DACH1: variants seen among roughly 807,000 people sequenced by gnomAD.
DACH1 encodes dachshund homolog 1.
Under a neutral mutation model 54.2 loss-of-function variants are expected in DACH1, and 12 were observed. The ratio of observed to expected loss-of-function variants is 0.22; its 90% confidence interval spans 0.14 to 0.36. The LOEUF (loss-of-function observed/expected upper bound fraction) is 0.36, where lower values mean the gene tolerates loss of function less well. DACH1 is among the 10% of genes least tolerant of loss of function. The pLI is 1.00. For synonymous variants in DACH1, 386 were observed against 366.2 expected (o/e 1.05, Z -0.62); for missense variants, 805 against 929.8 (o/e 0.87, Z 1.75).
At chr13:71,705,157 G>C (rs754030204) in intron 1 of DACH1, among the ~76,000 whole-genome samples, 5 of 152,228 alleles carry the variant, frequency 3.3e-5, no homozygotes, top group Admixed American at 6.5e-5. Flanking sequence ...TGTAGGACAG[G>C]ACCAAAAATT....
At chr13:71,632,379 TAAGTCTATGAGAAGATAAATATCCCC>T (rs1286735143) in intron 2 of DACH1, among the ~76,000 whole-genome samples, 3 of 151,550 alleles carry the variant, frequency 2.0e-5, no homozygotes, top group African/African-American at 7.2e-5. Flanking sequence ...TCTAAAACCT[TAAGTCTATGAGAAGATAAATATCCCC>T]AACCCCACCC....
At chr13:71,490,225 T>G (rs1322955128) in intron 6 of DACH1, among the ~76,000 whole-genome samples, 1 of 152,198 alleles carries the variant, frequency 6.6e-6, no homozygotes, top group African/African-American at 2.4e-5. Context: ...TGCTTATAAT[T>G]TGATTCCACT....
rs918232448 is a variant in DACH1, at chr13:71,553,455, T to C, written c.1570+3569A>G. ...TATTAGACATATATCCATATATATATACATATATACATATATGGGATATAT... is the reference window on the plus strand; with the variant it reads ...TATTAGACATATATCCATATATATACACATATATACATATATGGGATATAT... On this transcript the variant is annotated intron_variant, in intron 6 of 10. Transcript: ENST00000613252. Among the ~76,000 whole-genome samples the C allele has an allele frequency of 1.4e-5, 2 of 143,964 alleles. 1 individual carries two copies. 94.4% of individuals were successfully genotyped at this position (143,964 alleles called of 152,430 possible). A position where few individuals can be genotyped will look rare whatever the true frequency, so the allele number is the denominator to read the frequency against.
At chr13:71,843,716 G>A (rs74096815) in intron 1 of DACH1, among the ~76,000 whole-genome samples, 8,993 of 152,140 alleles carry the variant, frequency 0.059, 708 homozygotes, top group African/African-American at 0.18. Flanking sequence ...ATACAAGGGA[G>A]GCTGAAAGTT....
At position 71,866,688 on chromosome 13, in the gene DACH1, C is replaced by T; in HGVS notation, c.82G>A (p.Gly28Ser). 4 of 1,459,338 alleles carry T rather than the reference C, an allele frequency of 2.7e-6. No homozygotes were observed. The highest frequency in any genetic ancestry group is 3.6e-6 in the Non-Finnish European group (4 of 1,099,728). 90.4% of individuals were successfully genotyped at this position (1,459,338 alleles called of 1,614,324 possible). A position where few individuals can be genotyped will look rare whatever the true frequency, so the allele number is the denominator to read the frequency against. ...GCCGAAGAGGTGGAGGTGGTGGTGCCAGAGGAGGAAGCAGACGTGGAGATT... is the reference window on the plus strand; with the variant it reads ...GCCGAAGAGGTGGAGGTGGTGGTGCTAGAGGAGGAAGCAGACGTGGAGATT... ...PPISTSASSS[G>S]TTTSTSSATS... The change falls in exon 1 of 11, where the codon GGC becomes AGC. Residue 28 changes from glycine (G) to serine (S), a missense_variant. Coordinates refer to ENST00000613252, the MANE Select transcript of DACH1 (RefSeq NM_080759.6).
rs17088422 is a variant in DACH1, at chr13:71,736,067, G to A, written c.849-54157C>T. ...ATACTGAGCTGTGTACAGAGAGTATGGAAAATGCCAGCAGAGTGGTAGAGG... is the reference window on the plus strand; with the variant it reads ...ATACTGAGCTGTGTACAGAGAGTATAGAAAATGCCAGCAGAGTGGTAGAGG... On this transcript the variant is annotated intron_variant, in intron 1 of 10. Transcript: ENST00000613252. Among the ~76,000 whole-genome samples the A allele has an allele frequency of 8.4e-4, 128 of 152,276 alleles. 1 individual carries two copies. The East Asian group carries it at 0.024, about 29-fold the overall frequency.
intron 7 of DACH1, among the ~76,000 whole-genome samples, chr13:71,482,515 C>A (rs1477597338): frequency 6.6e-6 from 1 of 152,028 alleles, no homozygotes; most frequent in Non-Finnish European, 1.5e-5. Flanking sequence ...AATTAAAACA[C>A]CTTAGTTGAA....
chr13:71,479,957 CTATCTCCAAATG>C (rs1462806983), intron 7 of DACH1, among the ~76,000 whole-genome samples: 1 of 152,166 alleles, frequency 6.6e-6, no homozygotes, highest in Admixed American at 6.5e-5. Flanking sequence ...TCTTACTACC[CTATCTCCAAATG>C]TATCTTATTA....
At chr13:71,541,611 T>G (rs1883131272) in intron 6 of DACH1, among the ~76,000 whole-genome samples, 1 of 152,096 alleles carries the variant, frequency 6.6e-6, no homozygotes. Flanking sequence ...TATAAGTTCA[T>G]TTATATGGCA....
intron 6 of DACH1, among the ~76,000 whole-genome samples, chr13:71,512,881 A>G (rs1199575494): frequency 2.0e-5 from 3 of 151,956 alleles, no homozygotes; most frequent in African/African-American, 7.2e-5. Context: ...ATCTAGAAGA[A>G]TAATCTTTTT....
chr13:71,636,136 A>G (rs1877475315), intron 2 of DACH1, among the ~76,000 whole-genome samples: 1 of 152,106 alleles, frequency 6.6e-6, no homozygotes, highest in Non-Finnish European at 1.5e-5. Context: ...GAACTAGGCA[A>G]TCAGCTGCAG....
chr13:71,808,390 T>A (rs1887592304), intron 1 of DACH1, among the ~76,000 whole-genome samples: 1 of 152,154 alleles, frequency 6.6e-6, no homozygotes, highest in South Asian at 2.1e-4. Flanking sequence ...ATTAAACATC[T>A]GTCTGCAGAA....
At chr13:71,506,906 CA>C (rs1880377685) in intron 6 of DACH1, among the ~76,000 whole-genome samples, 1 of 151,138 alleles carries the variant, frequency 6.6e-6, no homozygotes, top group South Asian at 2.1e-4. Context: ...AAAATGAATT[CA>C]AGATGGATTA....
At chr13:71,706,615 T>C (rs189536241) in intron 1 of DACH1, among the ~76,000 whole-genome samples, 6 of 152,300 alleles carry the variant, frequency 3.9e-5, no homozygotes, top group Non-Finnish European at 5.9e-5. Context: ...TCATGTTTTC[T>C]TGATAATTTC....
At chr13:71,596,758 T>C (rs930512871) in intron 3 of DACH1, among the ~76,000 whole-genome samples, 3 of 152,132 alleles carry the variant, frequency 2.0e-5, no homozygotes, top group East Asian at 1.9e-4. Context: ...AACAGAACAC[T>C]GGAAATGTAG....
At chr13:71,659,616 T>G (rs1013262388) in intron 2 of DACH1, among the ~76,000 whole-genome samples, 2 of 152,170 alleles carry the variant, frequency 1.3e-5, no homozygotes, top group African/African-American at 4.8e-5. Context: ...ATAAAAATCT[T>G]AAACCTGCTG....
chr13:71,655,382 T>G (rs1029018626), intron 2 of DACH1, among the ~76,000 whole-genome samples: 17 of 151,778 alleles, frequency 1.1e-4, no homozygotes, highest in Non-Finnish European at 2.5e-4. Flanking sequence ...ATTTTTTTTT[T>G]TTTTTGAAAC....
intron 10 of DACH1, among the ~76,000 whole-genome samples, chr13:71,455,536 A>C (rs1875486462): frequency 1.3e-5 from 2 of 152,132 alleles, no homozygotes; most frequent in Non-Finnish European, 1.5e-5. Flanking sequence ...AAAAACAATA[A>C]TTCGAAATAG....
intron 4 of DACH1, 62 bp downstream of exon 4, chr13:71,572,778 T>G: frequency 6.6e-7 from 1 of 1,507,692 alleles, no homozygotes; most frequent in African/African-American, 1.4e-5. Flanking sequence ...ATAAGAAAAA[T>G]GGATTAAGGG....
Sources: gnomAD v4.1 joint callset for allele counts (sites outside exome capture counted in the v4.1 genomes callset) on GRCh38, gnomAD v4.1.1 for gene constraint, MANE v1.5 for transcripts, NCBI Gene and HGNC (gene_info 2026-07-23, HGNC 2026-07-21) for gene names.